The following FSIP1 variants were observed in gnomAD, a reference collection of about 807,000 sequenced individuals.
FSIP1 encodes the protein fibrous sheath-interacting protein 1.
A neutral mutation model predicts 60.9 loss-of-function variants in FSIP1; 65 were observed. That is an observed-to-expected ratio of 1.07 (90% CI 0.87 to 1.31). The LOEUF (loss-of-function observed/expected upper bound fraction) is 1.31, where lower values mean the gene tolerates loss of function less well. Ranked by LOEUF, FSIP1 falls within the 40% of genes most tolerant of loss-of-function variation. The pLI, the probability that FSIP1 is intolerant of heterozygous loss-of-function variation, is 0.00. For synonymous variants in FSIP1, 209 were observed against 221.2 expected (o/e 0.94, Z 0.49); for missense variants, 675 against 665.5 (o/e 1.01, Z -0.16).
At chr15:39,763,161 G>A (rs2576931) in intron 5 of FSIP1, among the ~76,000 whole-genome samples, 43,757 of 151,982 alleles carry the variant, frequency 0.29, 7,135 homozygotes, top group Non-Finnish European at 0.38. Flanking sequence ...CCTCCGTAAC[G>A]AAACAGAAGA....
At chr15:39,680,182 A>AG (rs112777984) in intron 10 of FSIP1, among the ~76,000 whole-genome samples, 4,907 of 152,290 alleles carry the variant, frequency 0.032, 257 homozygotes, top group African/African-American at 0.11. Flanking sequence ...TAAGAAAAAA[A>AG]ATTCTATTAA....
At position 39,758,511 on chromosome 15, in the gene FSIP1, AG is replaced by A. The variant is rs919489628; in HGVS notation, c.559+5309del. On this transcript the variant is annotated intron_variant, in intron 5 of 11. Transcript: ENST00000350221. ...CTGACACTGTCCATGGATTTTTTTGAGGGGGGGGAATAAGGGGTATAGTCTC... is the reference window on the plus strand; with the variant it reads ...CTGACACTGTCCATGGATTTTTTTGAGGGGGGGAATAAGGGGTATAGTCTC... 1.1e-4 allele frequency among the ~76,000 whole-genome samples: 16 copies of A among 151,260 alleles called. No individual in the cohort carries two copies. The East Asian group carries it at 1.9e-3, about 18-fold the overall frequency.
intron 10 of FSIP1, among the ~76,000 whole-genome samples, chr15:39,680,803 C>T (rs1894130500): frequency 6.6e-6 from 1 of 152,210 alleles, no homozygotes; most frequent in Non-Finnish European, 1.5e-5. Context: ...GCATTTACTA[C>T]ATACCAGACA....
chr15:39,742,580 A>T (rs1359856091), intron 5 of FSIP1, among the ~76,000 whole-genome samples: 1 of 152,218 alleles, frequency 6.6e-6, no homozygotes, highest in Non-Finnish European at 1.5e-5. Flanking sequence ...GGAATCTGCC[A>T]GGTTGCAGCA....
chr15:39,647,137 T>C (rs548015015), intron 10 of FSIP1, among the ~76,000 whole-genome samples: 1 of 152,292 alleles, frequency 6.6e-6, no homozygotes, highest in South Asian at 2.1e-4. Context: ...CATAAAAGGA[T>C]ACAAAGTTGC....
At chr15:39,758,674 C>T (rs1897381638) in intron 5 of FSIP1, among the ~76,000 whole-genome samples, 1 of 151,954 alleles carries the variant, frequency 6.6e-6, no homozygotes, top group Admixed American at 6.6e-5. Context: ...TAAGCTATAG[C>T]TTTAGAGGTG....
chr15:39,636,452 C>T (rs1157768186), intron 10 of FSIP1, among the ~76,000 whole-genome samples: 1 of 152,198 alleles, frequency 6.6e-6, no homozygotes, highest in Admixed American at 6.5e-5. Flanking sequence ...AGTTTAGTTA[C>T]ACATCTGGGA....
intron 5 of FSIP1, among the ~76,000 whole-genome samples, chr15:39,742,877 T>C (rs1896851708): frequency 6.6e-6 from 1 of 152,234 alleles, no homozygotes; most frequent in Non-Finnish European, 1.5e-5. Context: ...CAATCTTTGA[T>C]GAGTTAATCA....
chr15:39,779,971 C>G (rs1898194113), intron 1 of FSIP1, among the ~76,000 whole-genome samples: 1 of 152,118 alleles, frequency 6.6e-6, no homozygotes, highest in Admixed American at 6.5e-5. Context: ...TATGTATGGT[C>G]AGTTTTTTTA....
intron 10 of FSIP1, among the ~76,000 whole-genome samples, chr15:39,671,228 A>C (rs994087119): frequency 1.3e-5 from 2 of 152,148 alleles, no homozygotes; most frequent in African/African-American, 4.8e-5. Context: ...CCTAAAATTT[A>C]TTTGTCAATT....
intron 10 of FSIP1, among the ~76,000 whole-genome samples, chr15:39,637,284 G>A (rs1321785609): frequency 6.6e-6 from 1 of 152,132 alleles, no homozygotes; most frequent in East Asian, 1.9e-4. Context: ...ACAAAACTAA[G>A]ACTGGCTGCT....
At chr15:39,738,308 T>C (rs16969773) in intron 7 of FSIP1, 107 bp from the exon 8 acceptor site, 56,233 of 671,366 alleles carry the variant, frequency 0.084, 2,830 homozygotes, top group African/African-American at 0.16. Context: ...CAAAGAAAAG[T>C]TGCAAGATTA....
chr15:39,689,942 G>C (rs1894529449), intron 10 of FSIP1, among the ~76,000 whole-genome samples: 1 of 152,154 alleles, frequency 6.6e-6, no homozygotes. Flanking sequence ...CAGCCTTTTA[G>C]GTAGAAGGTC....
At chr15:39,631,293 C>G (rs984703442) in intron 10 of FSIP1, among the ~76,000 whole-genome samples, 1 of 152,212 alleles carries the variant, frequency 6.6e-6, no homozygotes, top group South Asian at 2.1e-4. Context: ...TCCCCGATGT[C>G]TTGTTCCTTC....
intron 10 of FSIP1, among the ~76,000 whole-genome samples, chr15:39,681,778 T>C (rs1894172884): frequency 6.6e-6 from 1 of 152,208 alleles, no homozygotes; most frequent in Non-Finnish European, 1.5e-5. Context: ...TGTAGCCTTG[T>C]TACAGATACC....
Position 39,713,432 on chromosome 15 carries a change from A to G in FSIP1, c.1188+12T>C. The G allele has an allele frequency of 6.3e-7, 1 of 1,582,092 alleles. No individual in the cohort carries two copies. Among genetic ancestry groups the G allele is most frequent in the Non-Finnish European group, 8.5e-7 (1 of 1,170,488 alleles). On this transcript the variant is annotated intron_variant, in intron 10 of 11. Transcript: ENST00000350221. The stretch of plus-strand genomic sequence containing the variant: ...TTTCTTAAAAAAAATTAATTAAAAC[A>G]AAAAGACTTACCACATTTTCCTTCA...
intron 10 of FSIP1, among the ~76,000 whole-genome samples, chr15:39,618,718 A>C (rs566972215): frequency 1.3e-5 from 2 of 152,356 alleles, no homozygotes; most frequent in South Asian, 4.1e-4. Context: ...TTGATCATGC[A>C]TACTTAATCT....
chr15:39,640,697 G>T (rs2140418658), intron 10 of FSIP1, among the ~76,000 whole-genome samples: 1 of 144,418 alleles, frequency 6.9e-6, no homozygotes, highest in African/African-American at 2.6e-5. Context: ...AGACTCCAGT[G>T]CAACCACGTG....
At chr15:39,719,199 T>A (rs1895861450) in intron 9 of FSIP1, among the ~76,000 whole-genome samples, 1 of 149,922 alleles carries the variant, frequency 6.7e-6, no homozygotes, top group African/African-American at 2.5e-5. Context: ...AAGATTCTTT[T>A]TTCACAACAA....
Sources: allele counts gnomAD v4.1 joint callset (sites outside exome capture counted in the v4.1 genomes callset), GRCh38; gene constraint gnomAD v4.1.1; transcripts MANE v1.5; gene names NCBI Gene and HGNC (gene_info 2026-07-23, HGNC 2026-07-21).